ARHGAP24: variants seen among roughly 807,000 people sequenced by gnomAD.
The protein encoded by ARHGAP24 is Rho GTPase activating protein 24, also known as rho GTPase-activating protein 24.
A neutral mutation model predicts 76.4 loss-of-function variants in ARHGAP24; 50 were observed. That is an observed-to-expected ratio of 0.65 (90% CI 0.52 to 0.83). The LOEUF (loss-of-function observed/expected upper bound fraction) is 0.83. Among genes scored for constraint, ARHGAP24 ranks in the 40% least tolerant of loss-of-function variants. The pLI, the probability that ARHGAP24 is intolerant of heterozygous loss-of-function variation, is 0.00. For missense variants in ARHGAP24, 930 were observed against 914.2 expected (o/e 1.02, Z -0.22); for synonymous variants, 345 against 323.3 (o/e 1.07, Z -0.72).
Position 86,000,555 on chromosome 4 carries a change from T to C in ARHGAP24, c.2080T>C (p.Phe694Leu). The stretch of plus-strand genomic sequence containing the variant: ...TGAACTGGATCAGGAGAGGAAAAAG[T>C]TCACAATGATAGAAATAAAAATGCG... ...HDELDQERKK[F>L]TMIEIKMRNA... is the part of the protein sequence containing the mutation. Residue 694 changes from phenylalanine (F) to leucine (L), a missense_variant, in exon 10 of 10, where the codon TTC (phenylalanine) becomes CTC (leucine). Phe to Leu is a conservative substitution (Grantham distance 22, BLOSUM62 0). Transcript: ENST00000395184. 1 of 1,605,058 alleles carries C rather than the reference T, an allele frequency of 6.2e-7. No individual in the cohort carries two copies. Among genetic ancestry groups the C allele is most frequent in the Admixed American group, 1.7e-5 (1 of 58,488 alleles).
chr4:85,989,820 A>G (rs1381895888), intron 8 of ARHGAP24, among the ~76,000 whole-genome samples: 2 of 151,698 alleles, frequency 1.3e-5, no homozygotes, highest in African/African-American at 2.4e-5. Flanking sequence ...AAGTTTCTCA[A>G]ATTAACAAAG....
At chr4:85,688,771 T>C (rs1412615098) in intron 2 of ARHGAP24, among the ~76,000 whole-genome samples, 3 of 152,130 alleles carry the variant, frequency 2.0e-5, no homozygotes, top group African/African-American at 7.2e-5. Context: ...AAGGAAGGGG[T>C]CCAGTTTCAG....
intron 9 of ARHGAP24, among the ~76,000 whole-genome samples, chr4:85,996,606 T>TA (rs1740676383): frequency 6.6e-6 from 1 of 152,198 alleles, no homozygotes; most frequent in African/African-American, 2.4e-5. Context: ...AAAATAAATA[T>TA]TAAAAAATAC....
chr4:85,720,389 A>G (rs773820246), intron 2 of ARHGAP24, among the ~76,000 whole-genome samples: 25 of 152,230 alleles, frequency 1.6e-4, no homozygotes, highest in African/African-American at 5.5e-4. Flanking sequence ...GTAGAGATAC[A>G]TAGTAGAGAT....
chr4:85,867,361 T>A (rs1732253699), intron 3 of ARHGAP24, among the ~76,000 whole-genome samples: 1 of 152,140 alleles, frequency 6.6e-6, no homozygotes, highest in African/African-American at 2.4e-5. Context: ...TCTAGTGCGT[T>A]TACACTCAAA....
chr4:85,729,381 A>G (rs528918046), intron 3 of ARHGAP24, among the ~76,000 whole-genome samples: 2 of 152,374 alleles, frequency 1.3e-5, no homozygotes, highest in East Asian at 3.9e-4. Context: ...CTTAAAATAC[A>G]TTAAAATATA....
At chr4:85,954,342 T>C (rs1017702840) in intron 5 of ARHGAP24, among the ~76,000 whole-genome samples, 1 of 152,200 alleles carries the variant, frequency 6.6e-6, no homozygotes, top group East Asian at 1.9e-4. Context: ...ACTCTGTTTA[T>C]TCCCTTCAAG....
At chr4:85,800,715 A>G (rs1031412221) in intron 3 of ARHGAP24, among the ~76,000 whole-genome samples, 1 of 152,232 alleles carries the variant, frequency 6.6e-6, no homozygotes, top group Admixed American at 6.5e-5. Context: ...CTGCATAGCA[A>G]CTGAAACAGT....
intron 5 of ARHGAP24, among the ~76,000 whole-genome samples, chr4:85,967,886 A>C (rs1258723220): frequency 6.6e-6 from 1 of 152,170 alleles, no homozygotes; most frequent in African/African-American, 2.4e-5. Context: ...AAAATGGTTC[A>C]GAATGTTCCA....
chr4:85,928,457 T>A lies in ARHGAP24; in HGVS notation c.391+4687T>A, dbSNP rs1736142749. On this transcript the variant is annotated intron_variant, in intron 4 of 9. Coordinates refer to ENST00000395184, the MANE Select transcript of ARHGAP24 (RefSeq NM_001025616.3). ...GAAAATTCATTAATAGTTTTTTTGTTTTGTTTTGTTTTGTTTTGGAGACGG... is the reference window on the plus strand; with the variant it reads ...GAAAATTCATTAATAGTTTTTTTGTATTGTTTTGTTTTGTTTTGGAGACGG... Among the ~76,000 whole-genome samples, 3 of 152,084 alleles carry A rather than the reference T, an allele frequency of 2.0e-5. No individual in the cohort carries two copies. The South Asian group carries it at 6.2e-4, about 32-fold the overall frequency.
Position 85,948,074 on chromosome 4 carries a change from A to C in ARHGAP24, c.599+5801A>C, listed in dbSNP as rs1489203989. ...ACTGCAAATATACTTTTTGCTGAGG[A>C]GCTACATCTCTTATTCTATACTTAC... is the stretch of plus-strand genomic sequence containing the variant. On this transcript the variant is annotated intron_variant, in intron 5 of 9. Coordinates refer to ENST00000395184, the MANE Select transcript of ARHGAP24 (RefSeq NM_001025616.3). Among the ~76,000 whole-genome samples the C allele has an allele frequency of 2.6e-5, 4 of 152,288 alleles. No individual in the cohort carries two copies. In the East Asian group the frequency reaches 7.7e-4, roughly 29 times the overall value.
At chr4:85,770,242 A>G (rs1370522185) in intron 3 of ARHGAP24, among the ~76,000 whole-genome samples, 1 of 152,146 alleles carries the variant, frequency 6.6e-6, no homozygotes, top group African/African-American at 2.4e-5. Flanking sequence ...GGGGAATTAC[A>G]CTTCTGGAAG....
chr4:85,508,301 G>A (rs986710153), intron 1 of ARHGAP24, among the ~76,000 whole-genome samples: 2 of 152,092 alleles, frequency 1.3e-5, no homozygotes, highest in African/African-American at 4.8e-5. Flanking sequence ...ATTTTTATTA[G>A]GGAAGATACT....
chr4:85,786,244 T>A (rs1348762641), intron 3 of ARHGAP24, among the ~76,000 whole-genome samples: 1 of 151,682 alleles, frequency 6.6e-6, no homozygotes, highest in Non-Finnish European at 1.5e-5. Flanking sequence ...CCTGCAGCCA[T>A]ACTGGCAACT....
chr4:85,784,299 G>A (rs1258598597), intron 3 of ARHGAP24, among the ~76,000 whole-genome samples: 1 of 139,140 alleles, frequency 7.2e-6, no homozygotes. Flanking sequence ...CCCTCTCCTA[G>A]GCTTTTTTTT....
intron 1 of ARHGAP24, among the ~76,000 whole-genome samples, chr4:85,488,616 G>A (rs1169034832): frequency 6.6e-6 from 1 of 152,142 alleles, no homozygotes; most frequent in Admixed American, 6.5e-5. Flanking sequence ...AAGCATACCA[G>A]CCTCTTGAAC....
intron 1 of ARHGAP24, among the ~76,000 whole-genome samples, chr4:85,529,850 A>G (rs12506039): frequency 0.26 from 39,198 of 151,788 alleles, 6,686 homozygotes; most frequent in East Asian, 0.79. Flanking sequence ...CTGGTTGACT[A>G]TGAGGGTTAT....
At chr4:85,822,438 T>C (rs1729514564) in intron 3 of ARHGAP24, among the ~76,000 whole-genome samples, 1 of 152,160 alleles carries the variant, frequency 6.6e-6, no homozygotes, top group South Asian at 2.1e-4. Flanking sequence ...CTTGTAATGC[T>C]GAATTATTTA....
chr4:85,827,468 G>A (rs1250673397), intron 3 of ARHGAP24, among the ~76,000 whole-genome samples: 3 of 100,596 alleles, frequency 3.0e-5, no homozygotes, highest in Non-Finnish European at 5.4e-5. Flanking sequence ...GCCCGTGTGT[G>A]TGTGTGTGTG....
Sources: allele counts gnomAD v4.1 joint callset (sites outside exome capture counted in the v4.1 genomes callset), GRCh38; gene constraint gnomAD v4.1.1; transcripts MANE v1.5; gene names NCBI Gene and HGNC (gene_info 2026-07-23, HGNC 2026-07-21).